The following RTKN variants were observed in gnomAD, a reference collection of about 807,000 sequenced individuals.
The protein encoded by RTKN is rhotekin.
A neutral mutation model predicts 63.5 loss-of-function variants in RTKN; 49 were observed. The observed-to-expected ratio is 0.77, with a 90% confidence interval of 0.61 to 0.98. The LOEUF (loss-of-function observed/expected upper bound fraction) is 0.98. Among genes scored for constraint, RTKN ranks in the 50% least tolerant of loss-of-function variants. The pLI is 0.00. For synonymous variants in RTKN, 295 were observed against 290.4 expected (o/e 1.02, Z -0.16); for missense variants, 685 against 740.8 (o/e 0.92, Z 0.87).
At chr2:74,432,200 G>A (rs936676811) in intron 2 of RTKN, 9 of 616,690 alleles carry the variant, frequency 1.5e-5, no homozygotes, top group African/African-American at 3.6e-5. Flanking sequence ...TAGCAAATTA[G>A]TGCTTTTGCA....
intron 1 of RTKN, chr2:74,439,970 T>C (rs1572904350): frequency 2.7e-6 from 3 of 1,095,154 alleles, no homozygotes; most frequent in East Asian, 1.1e-4. Context: ...TGGCAGCTGT[T>C]CTCCCAGCTG....
intron 1 of RTKN, chr2:74,440,036 A>C: frequency 9.8e-7 from 1 of 1,020,350 alleles, no homozygotes; most frequent in Non-Finnish European, 1.2e-6. Flanking sequence ...CCCCGCCCAC[A>C]TCCCTGGCCT....
At chr2:74,430,977 G>A in intron 2 of RTKN, 1 of 403,188 alleles carries the variant, frequency 2.5e-6, no homozygotes, top group South Asian at 5.0e-5. Context: ...AAGGACAGGT[G>A]CAGCCTTGAG....
At position 74,430,889 on chromosome 2, in the gene RTKN, A is replaced by G. The variant is rs114247635; in HGVS notation, c.312-212T>C. ...GGGACACCAGGGACACTCAAGCCAC[A>G]TTAACTCACACATAAGGCACAAGCT... On this transcript the variant is annotated intron_variant, in intron 2 of 11. Coordinates refer to ENST00000272430, the MANE Select transcript of RTKN (RefSeq NM_001015055.2). The G allele has an allele frequency of 2.9e-3, 1,681 of 583,158 alleles. 30 individuals carry two copies. In the African/African-American group the frequency reaches 0.029, roughly 10 times the overall value. 36.1% of individuals were successfully genotyped at this position (583,158 alleles called of 1,614,324 possible).
At position 74,426,193 on chromosome 2, in the gene RTKN, C is replaced by T. The variant is rs1174241328; in HGVS notation, c.*50G>A. The T allele has an allele frequency of 6.5e-7, 1 of 1,534,202 alleles. No individual in the cohort carries two copies. Among genetic ancestry groups the T allele is most frequent in the South Asian group, 1.1e-5 (1 of 87,320 alleles). ...GCGCCGTATCCAGAGCCCAACTGCG[C>T]ATGGGTCATTTTCTCTTCTGGGCAG... On this transcript the variant is annotated 3_prime_UTR_variant, in exon 12 of 12. Coordinates refer to ENST00000272430, the MANE Select transcript of RTKN (RefSeq NM_001015055.2).
At chr2:74,429,146 T>A (rs1011836309) in intron 6 of RTKN, among the ~76,000 whole-genome samples, 4 of 152,214 alleles carry the variant, frequency 2.6e-5, no homozygotes, top group Admixed American at 1.3e-4. Flanking sequence ...ACTGTATTCC[T>A]ATGACAGCCC....
intron 1 of RTKN, chr2:74,439,899 C>T (rs1671262497): frequency 7.9e-7 from 1 of 1,273,288 alleles, no homozygotes; most frequent in Non-Finnish European, 1.0e-6. Context: ...AAGTGGGGTC[C>T]CAGGAGGAAA....
At position 74,426,267 on chromosome 2, in the gene RTKN, G is replaced by A. The variant is rs1670380563; in HGVS notation, c.1668C>T (p.Arg556=). 1.2e-6 allele frequency: 2 copies of A among 1,614,098 alleles called. No individual in the cohort carries two copies. The highest frequency in any genetic ancestry group is 1.7e-5 in the Admixed American group (1 of 60,018). ...CTCACACTGGTGACTGGAGCCAAGT[G>A]CGAGGTTGGCCTTTGCTGCAGAGGC... The part of the protein sequence containing the change: ...TRGLCSKGQP[R]TWLQSPV The change falls in exon 12 of 12, where the codon CGC becomes CGT. Residue 556 remains arginine (R), a synonymous_variant. Coordinates refer to ENST00000272430, the MANE Select transcript of RTKN (RefSeq NM_001015055.2).
rs113119346 is a variant in RTKN, at chr2:74,429,958, C to T, written c.625G>A (p.Gly209Ser). 24 of 1,614,220 alleles carry T rather than the reference C, an allele frequency of 1.5e-5. No homozygotes were observed. Among genetic ancestry groups the T allele is most frequent in the Middle Eastern group, 1.6e-4 (1 of 6,062 alleles). Residue 209 changes from glycine (G) to serine (S), a missense_variant, in exon 6 of 12, where the codon GGC becomes AGC. Transcript: ENST00000272430. Reference protein sequence around the residue: ...CVEEEGALTGGPKRLATKLSS... With the variant: ...CVEEEGALTGSPKRLATKLSS... ...AGTTTGGTGGCAAGCCTCTTGGGGC[C>T]GCCAGTCAGGGCCCCCTCTTCTTCC...
chr2:74,432,514 C>T lies in RTKN; in HGVS notation c.264G>A (p.Glu88=). 1 of 1,613,636 alleles carries T rather than the reference C, an allele frequency of 6.2e-7. No individual in the cohort carries two copies. Among genetic ancestry groups the T allele is most frequent in the African/African-American group, 1.3e-5 (1 of 75,068 alleles). The change falls in exon 2 of 12, where the codon GAG becomes GAA. Residue 88 remains glutamate, a synonymous_variant. Transcript: ENST00000272430. ...CCTGCGCCTCCTTGCGCCGCTGCAGCTCGCCCATGTAGCTGAGGATGCGGC... is the reference window on the plus strand; with the variant it reads ...CCTGCGCCTCCTTGCGCCGCTGCAGTTCGCCCATGTAGCTGAGGATGCGGC... ...CNSRILSYMG[E]LQRRKEAQVL...
intron 6 of RTKN, among the ~76,000 whole-genome samples, 195 bp downstream of exon 6, chr2:74,429,633 C>T (rs1037147490): frequency 2.6e-5 from 4 of 152,228 alleles, no homozygotes; most frequent in African/African-American, 9.7e-5. Context: ...TCCCACTGGT[C>T]TTCTGGACTG....
intron 1 of RTKN, among the ~76,000 whole-genome samples, chr2:74,434,944 G>GA (rs910843802): frequency 6.6e-6 from 1 of 152,206 alleles, no homozygotes; most frequent in African/African-American, 2.4e-5. Context: ...AAAGGCAAAT[G>GA]AGAGTTATCC....
Position 74,430,496 on chromosome 2 carries a change from C to T in RTKN, c.396G>A (p.Trp132Ter). 2 of 1,614,212 alleles carry T rather than the reference C, an allele frequency of 1.2e-6. No homozygotes were observed. Among genetic ancestry groups the T allele is most frequent in the Non-Finnish European group, 1.7e-6 (2 of 1,180,028 alleles). The change falls in exon 4 of 12, where the codon TGG becomes TGA. Residue 132 changes from tryptophan to a stop codon, truncating the protein, a stop_gained. Coordinates refer to ENST00000272430, the MANE Select transcript of RTKN (RefSeq NM_001015055.2). LOFTEE classifies it high-confidence loss of function. ...TGTTCTTGAAATATTCTGTGTCCTT[C>T]CACATGAGTGGAATCCGGAGGTCTA... is the stretch of plus-strand genomic sequence containing the variant. ...CISDLRIPLMWKDTEYFKNKG... is the reference protein window; with the variant it reads ...CISDLRIPLM
rs550520397 is a variant in RTKN, at chr2:74,430,260, A to C, written c.537T>G (p.Asn179Lys). 26 of 1,610,278 alleles carry C rather than the reference A, an allele frequency of 1.6e-5. No homozygotes were observed. The South Asian group carries it at 2.7e-4, about 17-fold the overall frequency. ...CAGTGTGAGGTACTCACAAGAGCACATTGCTCTGAAAGGAGATGTCTGTGA... is the reference window on the plus strand; with the variant it reads ...CAGTGTGAGGTACTCACAAGAGCACCTTGCTCTGAAAGGAGATGTCTGTGA... ...RTLTDISFQS[N>K]VLFAEAGPDF... Residue 179 changes from asparagine to lysine, a missense_variant, in exon 5 of 12, where the codon AAT (asparagine) becomes AAG (lysine). Asn to Lys is a moderately conservative substitution (Grantham distance 94). Transcript: ENST00000272430.
chr2:74,438,882 TG>T (rs1322027436), intron 1 of RTKN, among the ~76,000 whole-genome samples: 1 of 152,268 alleles, frequency 6.6e-6, no homozygotes, highest in African/African-American at 2.4e-5. Context: ...TGTGTTCGTA[TG>T]TATATTTCTG....
At chr2:74,439,738 C>G in intron 1 of RTKN, 1 of 1,535,746 alleles carries the variant, frequency 6.5e-7, no homozygotes, top group South Asian at 1.2e-5. Flanking sequence ...AAAGAGGTGG[C>G]CAGCTCTTGG....
At chr2:74,430,136 G>T in intron 5 of RTKN, 99 bp from the exon 6 acceptor site, 1 of 1,512,246 alleles carries the variant, frequency 6.6e-7, no homozygotes, top group Middle Eastern at 1.8e-4. Context: ...CCACAGAGAA[G>T]GCCAGGTGCC....
chr2:74,427,086 T>C (rs1474360425), intron 11 of RTKN, 83 bp downstream of exon 11: 16 of 1,541,146 alleles, frequency 1.0e-5, no homozygotes, highest in Non-Finnish European at 1.4e-5. Context: ...GTGCTTTCTC[T>C]CTGTTTCCAT....
At chr2:74,435,914 T>C (rs1671028587) in intron 1 of RTKN, among the ~76,000 whole-genome samples, 1 of 152,214 alleles carries the variant, frequency 6.6e-6, no homozygotes, top group Admixed American at 6.5e-5. Flanking sequence ...TAGGCCGGAC[T>C]TTTATCACCT....
Sources: allele counts gnomAD v4.1 joint callset (sites outside exome capture counted in the v4.1 genomes callset), GRCh38; gene constraint gnomAD v4.1.1; transcripts MANE v1.5; gene names NCBI Gene and HGNC (gene_info 2026-07-23, HGNC 2026-07-21).